Variants in RASGRF1 observed in about 807,000 individuals in gnomAD.
RASGRF1 encodes Ras protein specific guanine nucleotide releasing factor 1.
Under a neutral mutation model 138.7 loss-of-function variants are expected in RASGRF1, and 40 were observed. The observed-to-expected ratio is 0.29, with a 90% CI of 0.22 to 0.38. RASGRF1 has a LOEUF of 0.38. Among genes scored for constraint, RASGRF1 ranks in the 10% least tolerant of loss-of-function variants. RASGRF1 has a pLI of 1.00. For missense variants in RASGRF1, 1,108 were observed against 1,650.4 expected (o/e 0.67, Z 5.69); for synonymous variants, 614 against 663.2 (o/e 0.93, Z 1.14).
chr15:79,053,270 C>T (rs752731954), intron 3 of RASGRF1, among the ~76,000 whole-genome samples: 11 of 152,060 alleles, frequency 7.2e-5, no homozygotes, highest in Admixed American at 2.0e-4. Flanking sequence ...AAAGAAAAAC[C>T]AACCCAAAAC....
chr15:79,031,596 AAGAG>A (rs1357335712), intron 7 of RASGRF1, 87 bp from the exon 8 acceptor site: 1 of 442,598 alleles, frequency 2.3e-6, no homozygotes. Flanking sequence ...GGGAGTGAGC[AAGAG>A]AGAGAGAGAA....
intron 8 of RASGRF1, among the ~76,000 whole-genome samples, chr15:79,029,515 G>C (rs2057107774): frequency 1.3e-5 from 2 of 152,100 alleles, no homozygotes; most frequent in Admixed American, 1.3e-4. Flanking sequence ...CACACAGCTG[G>C]GGAGCTCTGG....
intron 1 of RASGRF1, among the ~76,000 whole-genome samples, chr15:79,072,511 G>A (rs1437213914): frequency 3.3e-5 from 5 of 151,834 alleles, no homozygotes; most frequent in East Asian, 1.9e-4. Flanking sequence ...TCCTGACCTC[G>A]TGATCCGCCC....
chr15:78,990,163 A>G lies in RASGRF1; in HGVS notation c.3216+26T>C, dbSNP rs114098540. On this transcript the variant is annotated intron_variant, in intron 22 of 26. Coordinates refer to ENST00000558480, the MANE Select transcript of RASGRF1 (RefSeq NM_001145648.3). Reference sequence around the variant, plus strand: ...GTCTTGCCAAAGAAAAACCCCAGTGAGAGAGGCGCTCCCATCCATACTCAC... The same window carrying G: ...GTCTTGCCAAAGAAAAACCCCAGTGGGAGAGGCGCTCCCATCCATACTCAC... 1.6e-3 allele frequency: 2,443 copies of G among 1,528,730 alleles called. 33 individuals are homozygous for G. The African/African-American group carries it at 0.026, about 16-fold the overall frequency. 94.7% of individuals were successfully genotyped at this position (1,528,730 alleles called of 1,614,324 possible). A position where few individuals can be genotyped will look rare whatever the true frequency, so the allele number is the denominator to read the frequency against.
intron 24 of RASGRF1, among the ~76,000 whole-genome samples, chr15:78,975,464 C>T (rs570459471): frequency 6.7e-5 from 10 of 149,982 alleles, no homozygotes; most frequent in African/African-American, 2.4e-4. Flanking sequence ...TCCATCCCTT[C>T]CAGTCCATGA....
intron 1 of RASGRF1, among the ~76,000 whole-genome samples, chr15:79,079,935 A>G (rs914159585): frequency 3.9e-5 from 6 of 152,214 alleles, no homozygotes; most frequent in African/African-American, 7.2e-5. Context: ...AGCCTCCTGG[A>G]ATGTGGTCTT....
intron 9 of RASGRF1, 137 bp from the exon 10 acceptor site, chr15:79,025,611 G>A (rs2057035776): frequency 9.4e-7 from 1 of 1,064,372 alleles, no homozygotes; most frequent in Non-Finnish European, 1.3e-6. Context: ...ATGTGCCCCT[G>A]GGATACTCCT....
chr15:79,032,035 G>A lies in RASGRF1; in HGVS notation c.1152+88C>T. The A allele has an allele frequency of 2.1e-5, 30 of 1,436,010 alleles. No homozygotes were observed. Among genetic ancestry groups the A allele is most frequent in the Non-Finnish European group, 2.8e-5 (30 of 1,063,970 alleles). The allele number at this position is 1,436,010 out of a possible 1,614,324, so 89.0% of individuals were successfully genotyped here. On this transcript the variant is annotated intron_variant, in intron 7 of 26. Coordinates refer to ENST00000558480, the MANE Select transcript of RASGRF1 (RefSeq NM_001145648.3). The surrounding 1 kb of genome is among the most constrained non-coding windows in gnomAD (Gnocchi z 4.5). ...CCCTTTGGCAGCCCAGAGCTGGGGT[G>A]CGTTAAGCACTGTGCCCCCACCGCC...
At chr15:79,047,426 A>G (rs939990666) in intron 4 of RASGRF1, among the ~76,000 whole-genome samples, 4 of 152,184 alleles carry the variant, frequency 2.6e-5, no homozygotes, top group African/African-American at 9.7e-5. Context: ...GCCCGAGGAT[A>G]AAGGGTTGCA....
Position 79,090,543 on chromosome 15 carries a change from G to T in RASGRF1, c.-45C>A, listed in dbSNP as rs367989649. ...GACCCCACGCGCTTACATCTTCTCC[G>T]CGCAGCAGCCCCCCGTCCGTGCGCG... On this transcript the variant is annotated 5_prime_UTR_variant, in exon 1 of 27. Transcript: ENST00000558480. 23 of 1,590,792 alleles carry T rather than the reference G, an allele frequency of 1.4e-5. No homozygotes were observed. The highest frequency in any genetic ancestry group is 2.2e-5 in the East Asian group (1 of 44,532).
At chr15:78,996,735 T>C (rs62011187) in intron 19 of RASGRF1, among the ~76,000 whole-genome samples, 48 of 106,432 alleles carry the variant, frequency 4.5e-4, no homozygotes, top group Non-Finnish European at 8.4e-4. Context: ...TGTGTGTGTG[T>C]GCGTGTGTGT....
In RASGRF1 at chr15:79,001,507, G is replaced by A. The variant is rs569790949; in HGVS notation, c.2575+155C>T. Among the ~76,000 whole-genome samples the A allele has an allele frequency of 2.7e-5, 4 of 150,382 alleles. No homozygotes were observed. In the South Asian group the frequency reaches 8.4e-4, roughly 32 times the overall value. On this transcript the variant is annotated intron_variant, in intron 16 of 26. Coordinates refer to ENST00000558480, the MANE Select transcript of RASGRF1 (RefSeq NM_001145648.3). ...CCCTTGGGGTGGCGGGGGGCGGGTGGTGGTGGGTGGGTTATGAAATATCAG... is the reference window on the plus strand; with the variant it reads ...CCCTTGGGGTGGCGGGGGGCGGGTGATGGTGGGTGGGTTATGAAATATCAG...
At chr15:79,085,620 A>G (rs1160801256) in intron 1 of RASGRF1, among the ~76,000 whole-genome samples, 1 of 152,188 alleles carries the variant, frequency 6.6e-6, no homozygotes, top group African/African-American at 2.4e-5. Flanking sequence ...TGACAACAGA[A>G]TAGCTACAAT....
intron 1 of RASGRF1, among the ~76,000 whole-genome samples, chr15:79,074,637 C>T (rs1411842038): frequency 6.6e-6 from 1 of 152,182 alleles, no homozygotes; most frequent in Non-Finnish European, 1.5e-5. Context: ...ACCCAGGCCC[C>T]ATAATGCATC....
At chr15:79,081,633 A>G (rs908428753) in intron 1 of RASGRF1, among the ~76,000 whole-genome samples, 1 of 152,132 alleles carries the variant, frequency 6.6e-6, no homozygotes, top group South Asian at 2.1e-4. Context: ...CTGGACTCCC[A>G]TAGTTCTCAC....
Position 78,973,590 on chromosome 15 carries a change from G to A in RASGRF1, c.3495-170C>T, listed in dbSNP as rs937825374. ...ACTATTCTACACGCCCAGGACTGTC[G>A]GCTGGGTCTCAGGGCCAGTCCTCTG... On this transcript the variant is annotated intron_variant, in intron 24 of 26. Transcript: ENST00000558480. This position sits in a 1 kb window ranked among gnomAD's most constrained non-coding sequence, Gnocchi z 4.9. 3.7e-4 allele frequency among the ~76,000 whole-genome samples: 56 copies of A among 152,196 alleles called. No individual in the cohort carries two copies. Among genetic ancestry groups the A allele is most frequent in the African/African-American group, 1.3e-3 (53 of 41,520 alleles).
intron 1 of RASGRF1, among the ~76,000 whole-genome samples, chr15:79,078,946 G>A (rs1301066075): frequency 2.0e-5 from 3 of 152,210 alleles, no homozygotes; most frequent in African/African-American, 4.8e-5. Context: ...GCCTGGCCTC[G>A]CTGGGAGTTG....
Position 78,962,148 on chromosome 15 carries a change from G to T in RASGRF1, c.3770C>A (p.Thr1257Asn). 2 of 1,560,236 alleles carry T rather than the reference G, an allele frequency of 1.3e-6. No homozygotes were observed. Among genetic ancestry groups the T allele is most frequent in the Non-Finnish European group, 8.8e-7 (1 of 1,139,396 alleles). ...SSLRIEPKLP[T>N] ...GGGTCTGGGCTGGGCTCAGCTTCAG[G>T]TGGGGAGTTTTGGTTCTATTCGGAG... The change falls in exon 27 of 27, where the codon ACC (threonine) becomes AAC (asparagine). Residue 1257 changes from threonine to asparagine, a missense_variant. By Grantham distance (65) the Thr-to-Asn change is moderately conservative. This residue lies in a region of RASGRF1 where 686 missense variants were observed against 976.7 expected (regional missense o/e 0.70). Coordinates refer to ENST00000558480, the MANE Select transcript of RASGRF1 (RefSeq NM_001145648.3).
chr15:79,070,789 C>T (rs968698380), intron 1 of RASGRF1, among the ~76,000 whole-genome samples: 1 of 152,270 alleles, frequency 6.6e-6, no homozygotes, highest in East Asian at 1.9e-4. Flanking sequence ...AGCTTGGGTG[C>T]CTACTTTGAA....
Sources: gnomAD v4.1 joint callset for allele counts (sites outside exome capture counted in the v4.1 genomes callset) on GRCh38, gnomAD v4.1.1 for gene constraint, gnomAD v4.1.1 regional missense constraint, Gnocchi (gnomAD v3.1) non-coding constraint, MANE v1.5 for transcripts, NCBI Gene and HGNC (gene_info 2026-07-23, HGNC 2026-07-21) for gene names.